The following FHOD3 variants were observed in gnomAD, a reference collection of about 807,000 sequenced individuals.
The protein encoded by FHOD3 is FH1/FH2 domain-containing protein 3.
In FHOD3, 90 loss-of-function variants were observed where a neutral mutation model predicts 173.0. The observed-to-expected ratio is 0.52, with a 90% CI of 0.44 to 0.62. The LOEUF is 0.62. Among genes scored for constraint, FHOD3 ranks in the 20% least tolerant of loss-of-function variants. The pLI, the probability that FHOD3 is intolerant of heterozygous loss-of-function variation, is 0.00. For missense variants in FHOD3, 1,945 were observed against 2,034.7 expected (o/e 0.96, Z 0.85); for synonymous variants, 828 against 823.0 (o/e 1.01, Z -0.10).
intron 10 of FHOD3, 135 bp downstream of exon 10, chr18:36,625,884 A>G (rs892751124): frequency 1.3e-5 from 9 of 702,530 alleles, no homozygotes; most frequent in Middle Eastern, 5.4e-4. Flanking sequence ...CTTCTTGACC[A>G]TTAAACCACC....
In FHOD3 at chr18:36,438,760, A is replaced by G. The variant is rs145665427; in HGVS notation, c.338-63172A>G. 1.6e-4 allele frequency among the ~76,000 whole-genome samples: 25 copies of G among 152,314 alleles called. No individual in the cohort carries two copies. The East Asian group carries it at 4.4e-3, about 27-fold the overall frequency. On this transcript the variant is annotated intron_variant, in intron 3 of 28. Coordinates refer to ENST00000590592, the MANE Select transcript of FHOD3 (RefSeq NM_001281740.3). ...CTCTCACTCTCCTCTGCACCACTGT[A>G]AGACACTGCTCTTCATCCTGTCTTC... is the stretch of plus-strand genomic sequence containing the variant.
At chr18:36,364,996 C>T (rs1274533856) in intron 2 of FHOD3, among the ~76,000 whole-genome samples, 1 of 152,136 alleles carries the variant, frequency 6.6e-6, no homozygotes, top group African/African-American at 2.4e-5. Flanking sequence ...CTGTGAACAG[C>T]TTGAACAAGG....
At chr18:36,655,122 A>T (rs778456596) in intron 13 of FHOD3, among the ~76,000 whole-genome samples, 10 of 149,314 alleles carry the variant, frequency 6.7e-5, no homozygotes, top group Non-Finnish European at 1.2e-4. Context: ...CCTTGAAACT[A>T]CAAGTTCTCT....
intron 19 of FHOD3, among the ~76,000 whole-genome samples, chr18:36,725,505 G>A (rs2041014502): frequency 6.6e-6 from 1 of 152,162 alleles, no homozygotes; most frequent in Non-Finnish European, 1.5e-5. Context: ...AGCCTCTTCT[G>A]TACCTGTGCA....
intron 14 of FHOD3, among the ~76,000 whole-genome samples, chr18:36,667,923 A>G (rs2037288840): frequency 6.6e-6 from 1 of 152,192 alleles, no homozygotes; most frequent in Non-Finnish European, 1.5e-5. Context: ...TAAGTAGTGC[A>G]TGGTTGTTAC....
chr18:36,380,304 C>T (rs2047672653), intron 3 of FHOD3, among the ~76,000 whole-genome samples: 2 of 152,098 alleles, frequency 1.3e-5, no homozygotes, highest in Admixed American at 1.3e-4. Context: ...AGTAACATGA[C>T]TTATCTGTAA....
chr18:36,762,918 A>G (rs955042677), intron 27 of FHOD3, among the ~76,000 whole-genome samples: 9 of 147,494 alleles, frequency 6.1e-5, no homozygotes, highest in Non-Finnish European at 1.3e-4. Context: ...CACGTTATAT[A>G]TGTGTATTAT....
chr18:36,468,939 C>T (rs2053116532), intron 3 of FHOD3, among the ~76,000 whole-genome samples: 1 of 152,024 alleles, frequency 6.6e-6, no homozygotes, highest in African/African-American at 2.4e-5. Flanking sequence ...GCTGAGCCTT[C>T]CTGGGGCTCA....
At chr18:36,678,524 C>CAA (rs58064190) in intron 14 of FHOD3, among the ~76,000 whole-genome samples, 225 of 71,000 alleles carry the variant, frequency 3.2e-3, no homozygotes, top group Middle Eastern at 8.6e-3. Context: ...GACCCTGTCT[C>CAA]AAAAAAAAAA....
At chr18:36,426,822 A>G (rs2050272861) in intron 3 of FHOD3, among the ~76,000 whole-genome samples, 1 of 152,156 alleles carries the variant, frequency 6.6e-6, no homozygotes, top group Admixed American at 6.5e-5. Context: ...TGGTTCTGTT[A>G]TTATCTTCAT....
At chr18:36,660,039 G>C (rs1024594468) in intron 14 of FHOD3, among the ~76,000 whole-genome samples, 8 of 152,182 alleles carry the variant, frequency 5.3e-5, no homozygotes, top group Non-Finnish European at 1.0e-4. Flanking sequence ...GGGAGGCCGA[G>C]GTGGGCAGAT....
chr18:36,545,183 C>G (rs2057367325), intron 5 of FHOD3, among the ~76,000 whole-genome samples: 1 of 152,180 alleles, frequency 6.6e-6, no homozygotes, highest in Non-Finnish European at 1.5e-5. Context: ...TCATTTTGTG[C>G]CCCGTGTGCC....
intron 4 of FHOD3, among the ~76,000 whole-genome samples, chr18:36,511,123 C>T (rs2055615813): frequency 6.6e-6 from 1 of 152,144 alleles, no homozygotes; most frequent in Non-Finnish European, 1.5e-5. Context: ...TTTCATTATT[C>T]CATTGAGCTT....
chr18:36,421,505 T>A (rs73418981), intron 3 of FHOD3, among the ~76,000 whole-genome samples: 1,737 of 152,316 alleles, frequency 0.011, 32 homozygotes, highest in African/African-American at 0.039. Flanking sequence ...TATGATTGGT[T>A]TTTATGGCTT....
intron 24 of FHOD3, among the ~76,000 whole-genome samples, chr18:36,752,715 A>G (rs541769472): frequency 1.7e-4 from 26 of 152,276 alleles, no homozygotes; most frequent in Admixed American, 7.2e-4. Context: ...TAACATTTCC[A>G]ATTTATATGT....
At chr18:36,627,786 T>A (rs79205171) in intron 10 of FHOD3, among the ~76,000 whole-genome samples, 3,885 of 152,160 alleles carry the variant, frequency 0.026, 172 homozygotes, top group African/African-American at 0.09. Flanking sequence ...GAAATGCTGA[T>A]TGGGAAATGA....
chr18:36,443,544 A>G (rs1274059609), intron 3 of FHOD3, among the ~76,000 whole-genome samples: 2 of 152,188 alleles, frequency 1.3e-5, no homozygotes, highest in African/African-American at 2.4e-5. Flanking sequence ...TGGCATCTCA[A>G]GAAGTTTCAT....
intron 9 of FHOD3, among the ~76,000 whole-genome samples, chr18:36,624,473 T>C (rs1201163588): frequency 1.3e-5 from 2 of 152,072 alleles, no homozygotes; most frequent in African/African-American, 4.8e-5. Context: ...AGGCCAGAGA[T>C]AGAGTCCCTG....
At chr18:36,602,838 T>G in intron 8 of FHOD3, 70 bp downstream of exon 8, 4 of 1,174,678 alleles carry the variant, frequency 3.4e-6, no homozygotes, top group Non-Finnish European at 5.1e-6. Flanking sequence ...ACCCCTGGTA[T>G]CTGTGCTTGT....
Sources: allele counts gnomAD v4.1 joint callset (sites outside exome capture counted in the v4.1 genomes callset), GRCh38; gene constraint gnomAD v4.1.1; transcripts MANE v1.5; gene names NCBI Gene and HGNC (gene_info 2026-07-23, HGNC 2026-07-21).